The following SSH2 variants were observed in gnomAD, a reference collection of about 807,000 sequenced individuals.
SSH2 encodes slingshot protein phosphatase 2.
In SSH2, 37 loss-of-function variants were observed where a neutral mutation model predicts 135.2. That is an observed-to-expected ratio of 0.27 (90% CI 0.21 to 0.36). The LOEUF (loss-of-function observed/expected upper bound fraction) is 0.36. SSH2 is among the 10% of genes least tolerant of loss of function. The pLI is 1.00. For synonymous variants in SSH2, 628 were observed against 646.2 expected (o/e 0.97, Z 0.43); for missense variants, 1,408 against 1,765.3 (o/e 0.80, Z 3.63).
At chr17:29,677,318 T>A (rs1436582135) in intron 7 of SSH2, among the ~76,000 whole-genome samples, 2 of 151,862 alleles carry the variant, frequency 1.3e-5, no homozygotes, top group African/African-American at 4.8e-5. Flanking sequence ...AGGAAAGGGG[T>A]TATACTGTAG....
intron 3 of SSH2, among the ~76,000 whole-genome samples, chr17:29,780,211 C>A (rs1396528252): frequency 6.6e-6 from 1 of 151,980 alleles, no homozygotes; most frequent in Non-Finnish European, 1.5e-5. Flanking sequence ...AGCGAGACTC[C>A]ATCTCAAACA....
intron 8 of SSH2, 37 bp downstream of exon 8, chr17:29,676,783 T>C (rs2037738718): frequency 1.8e-5 from 27 of 1,531,756 alleles, no homozygotes; most frequent in Non-Finnish European, 2.4e-5. Flanking sequence ...CCAATAACAT[T>C]AAAACACTTT....
chr17:29,724,782 G>A (rs2039944323), intron 3 of SSH2, among the ~76,000 whole-genome samples: 1 of 150,194 alleles, frequency 6.7e-6, no homozygotes, highest in Non-Finnish European at 1.5e-5. Context: ...TAGAGACAAG[G>A]TTTCACCATG....
intron 2 of SSH2, among the ~76,000 whole-genome samples, chr17:29,827,112 T>C (rs2042759644): frequency 6.6e-6 from 1 of 152,146 alleles, no homozygotes; most frequent in African/African-American, 2.4e-5. Flanking sequence ...ATTGTAAAAA[T>C]ACACACTAGG....
intron 14 of SSH2, chr17:29,639,861 T>G (rs910844716): frequency 1.3e-5 from 2 of 152,154 alleles, no homozygotes; most frequent in African/African-American, 2.4e-5. Context: ...CCTTGTTTCC[T>G]GAAATAAATA....
chr17:29,633,924 C>A (rs8074343), intron 15 of SSH2, among the ~76,000 whole-genome samples: 331 of 152,298 alleles, frequency 2.2e-3, no homozygotes, highest in African/African-American at 7.8e-3. Context: ...TACAATCTAA[C>A]AAGGTCAGTA....
intron 3 of SSH2, among the ~76,000 whole-genome samples, chr17:29,782,631 G>A (rs1263188552): frequency 2.6e-5 from 4 of 152,126 alleles, no homozygotes; most frequent in Non-Finnish European, 5.9e-5. Context: ...TGTCGCCCAG[G>A]CTGGAGTGCA....
chr17:29,742,484 T>TTG (rs2040595382), intron 3 of SSH2, among the ~76,000 whole-genome samples: 2 of 144,358 alleles, frequency 1.4e-5, no homozygotes, highest in South Asian at 4.4e-4. Context: ...ACACCCAGTT[T>TTG]TTTTTTTTTT....
intron 2 of SSH2, among the ~76,000 whole-genome samples, chr17:29,822,519 G>A (rs1049877378): frequency 6.6e-6 from 1 of 151,750 alleles, no homozygotes; most frequent in African/African-American, 2.4e-5. Context: ...GTATCACTAC[G>A]CCTGGCTCAT....
chr17:29,837,007 A>G lies in SSH2; in HGVS notation c.144+11842T>C, dbSNP rs561177028. ...CGTGGTGGCTCATGCCTATAATCTC[A>G]GCACTTTGGGAGGCCGAGGAGGGCG... On this transcript the variant is annotated intron_variant, in intron 2 of 15. Transcript: ENST00000540801. Among the ~76,000 whole-genome samples, 6 of 152,290 alleles carry G rather than the reference A, an allele frequency of 3.9e-5. No homozygotes were observed. In the South Asian group the frequency reaches 1.2e-3, roughly 32 times the overall value.
intron 1 of SSH2, among the ~76,000 whole-genome samples, chr17:29,861,051 C>T (rs867386784): frequency 5.9e-5 from 9 of 152,052 alleles, no homozygotes; most frequent in South Asian, 4.1e-4. Flanking sequence ...AGCCCTTTGG[C>T]CCACTTTTAA....
intron 1 of SSH2, among the ~76,000 whole-genome samples, chr17:29,921,193 C>A (rs965430387): frequency 4.6e-5 from 7 of 152,160 alleles, no homozygotes; most frequent in Non-Finnish European, 1.0e-4. Context: ...CTTCACTTAT[C>A]TGAGTCTGTA....
intron 1 of SSH2, among the ~76,000 whole-genome samples, chr17:29,866,792 G>C (rs1007697911): frequency 2.0e-5 from 3 of 152,094 alleles, no homozygotes; most frequent in African/African-American, 7.2e-5. Flanking sequence ...CTGCTATTAA[G>C]TTAGCTGCTG....
chr17:29,858,437 A>G (rs2065704118), intron 1 of SSH2, among the ~76,000 whole-genome samples: 1 of 152,188 alleles, frequency 6.6e-6, no homozygotes, highest in Admixed American at 6.5e-5. Flanking sequence ...AATCCCCAGT[A>G]TCTCAGAATG....
chr17:29,648,018 GAAAT>G lies in SSH2; in HGVS notation c.1427+122_1427+125del, dbSNP rs2036446278. 5.4e-6 allele frequency: 5 copies of G among 929,256 alleles called. No homozygotes were observed. In the Admixed American group the frequency reaches 9.3e-5, roughly 17 times the overall value. 57.6% of individuals were successfully genotyped at this position (929,256 alleles called of 1,614,324 possible). A position where few individuals can be genotyped will look rare whatever the true frequency, so the allele number is the denominator to read the frequency against. On this transcript the variant is annotated intron_variant, in intron 14 of 15. Transcript: ENST00000540801. The stretch of plus-strand genomic sequence containing the variant: ...ATGTTTTGAAAACTGGATTGATAGA[GAAAT>G]AAGTCTTTTTTGAAAAAATATCACA...
At chr17:29,886,784 CTGA>C (rs2066247190) in intron 1 of SSH2, among the ~76,000 whole-genome samples, 1 of 150,154 alleles carries the variant, frequency 6.7e-6, no homozygotes, top group Non-Finnish European at 1.5e-5. Context: ...AATTTGCAGA[CTGA>C]TGATGTGATA....
At chr17:29,790,267 C>T (rs911639014) in intron 3 of SSH2, among the ~76,000 whole-genome samples, 2 of 152,184 alleles carry the variant, frequency 1.3e-5, no homozygotes, top group Middle Eastern at 3.4e-3. Context: ...GGTGAGCCCC[C>T]CATGACGTGT....
In SSH2 at chr17:29,892,998, T is replaced by C. The variant is rs192529955; in HGVS notation, c.63+36940A>G. On this transcript the variant is annotated intron_variant, in intron 1 of 15. Coordinates refer to ENST00000540801, the MANE Select transcript of SSH2 (RefSeq NM_001282129.2). ...TACTAGGTTTTAAAAGAACAGTCTC[T>C]ACTTGCTACTTTCCTTTCCTCACCA... 3.9e-3 allele frequency among the ~76,000 whole-genome samples: 591 copies of C among 152,254 alleles called. 4 individuals are homozygous for C. The highest frequency in any genetic ancestry group is 2.4e-3 in the Non-Finnish European group (166 of 68,012).
At chr17:29,696,608 T>G (rs548763602) in intron 4 of SSH2, among the ~76,000 whole-genome samples, 12 of 103,278 alleles carry the variant, frequency 1.2e-4, no homozygotes, top group African/African-American at 3.6e-4. Context: ...CAAAAACATA[T>G]ATACATATAT....
Sources: allele counts gnomAD v4.1 joint callset (sites outside exome capture counted in the v4.1 genomes callset), GRCh38; gene constraint gnomAD v4.1.1; transcripts MANE v1.5; gene names NCBI Gene and HGNC (gene_info 2026-07-23, HGNC 2026-07-21).